The following C10orf90 variants were observed in gnomAD, a reference collection of about 807,000 sequenced individuals.
C10orf90 encodes the protein (E2-independent) E3 ubiquitin-conjugating enzyme FATS.
Under a neutral mutation model 62.5 loss-of-function variants are expected in C10orf90, and 56 were observed. The ratio of observed to expected loss-of-function variants is 0.90; its 90% CI spans 0.72 to 1.12. C10orf90 has a LOEUF of 1.12. Ranked by LOEUF, C10orf90 falls within the 50% of genes most tolerant of loss-of-function variation. The probability of loss-of-function intolerance (pLI) is 0.00; values close to 1 mark genes in which losing one functional copy is unlikely to be tolerated. For synonymous variants in C10orf90, 386 were observed against 340.4 expected (o/e 1.13, Z -1.47); for missense variants, 970 against 880.4 (o/e 1.10, Z -1.29).
intron 4 of C10orf90, among the ~76,000 whole-genome samples, chr10:126,489,309 C>T (rs1861596018): frequency 6.6e-6 from 1 of 151,944 alleles, no homozygotes; most frequent in Non-Finnish European, 1.5e-5. Context: ...AAGCACTTGT[C>T]AGTATTCAAC....
intron 7 of C10orf90, among the ~76,000 whole-genome samples, chr10:126,442,491 A>ATATATATATATATC (rs1288025524): frequency 9.5e-6 from 1 of 105,078 alleles, no homozygotes; most frequent in African/African-American, 3.9e-5. Flanking sequence ...ATATATATAT[A>ATATATATATATATC]TATATATATA....
rs1348013004 is a variant in C10orf90 at position 126,670,324 on chromosome 10, G to C, written c.157C>G (p.Pro53Ala). The C allele has an allele frequency of 8.8e-6, 4 of 456,528 alleles. No homozygotes were observed. The highest frequency in any genetic ancestry group is 1.8e-5 in the Non-Finnish European group (4 of 226,970). 28.3% of individuals were successfully genotyped at this position (456,528 alleles called of 1,614,324 possible). Residue 53 changes from proline to alanine, a missense_variant, in exon 1 of 10, where the codon CCC becomes GCC. By Grantham distance (27) the Pro-to-Ala change is conservative. Transcript: ENST00000488181. ...CAAACTTTGGCTCTTCTCTGGGAGG[G>C]AAACCAGTTACTCTTCACAAAATCC... ...VMDFVKSNWF[P>A]SQRRAKVCII...
At chr10:126,596,157 G>C (rs796436821) in intron 2 of C10orf90, among the ~76,000 whole-genome samples, 1 of 130,150 alleles carries the variant, frequency 7.7e-6, no homozygotes, top group African/African-American at 3.1e-5. Context: ...AAAAAAAAAA[G>C]CCAGGCATGG....
chr10:126,504,432 C>T lies in C10orf90; in HGVS notation c.1059G>A (p.Val353=). ...AGATTGAATCTGGACACTGCTGAGA[C>T]ACCCTGAGGTGGACACAGGAACTGA... The part of the protein sequence containing the change: ...LVFSSCVHLR[V]SQQCPDSIYY... Residue 353 remains valine, a synonymous_variant, in exon 4 of 10, where the codon GTG becomes GTA. Transcript: ENST00000488181. The surrounding 1 kb of genome is among the most constrained non-coding windows in gnomAD (Gnocchi z 4.1). 4 of 1,614,224 alleles carry T rather than the reference C, an allele frequency of 2.5e-6. No individual in the cohort carries two copies. The highest frequency in any genetic ancestry group is 3.4e-6 in the Non-Finnish European group (4 of 1,180,040).
chr10:126,464,608 C>T, intron 5 of C10orf90, 88 bp downstream of exon 5: 1 of 1,342,716 alleles, frequency 7.4e-7, no homozygotes, highest in Middle Eastern at 2.5e-4. Context: ...TGAACGGTGA[C>T]AGTATGCACG....
chr10:126,647,589 G>A (rs1356783834), intron 1 of C10orf90, among the ~76,000 whole-genome samples: 2 of 152,222 alleles, frequency 1.3e-5, no homozygotes, highest in African/African-American at 4.8e-5. Flanking sequence ...ACAGAATGGG[G>A]TGGGACAAGG....
chr10:126,625,738 T>C (rs781222443), intron 2 of C10orf90, among the ~76,000 whole-genome samples: 16 of 152,210 alleles, frequency 1.1e-4, no homozygotes, highest in Admixed American at 2.0e-4. Flanking sequence ...CTTTATTCCT[T>C]TATGTCATTC....
At chr10:126,609,039 C>T (rs1196548751) in intron 2 of C10orf90, among the ~76,000 whole-genome samples, 1 of 152,104 alleles carries the variant, frequency 6.6e-6, no homozygotes, top group Non-Finnish European at 1.5e-5. Context: ...GCTGTATGGC[C>T]TTGGGCAAGA....
At chr10:126,457,230 C>T (rs1019544861) in intron 7 of C10orf90, among the ~76,000 whole-genome samples, 1 of 152,206 alleles carries the variant, frequency 6.6e-6, no homozygotes, top group Non-Finnish European at 1.5e-5. Context: ...CTCAAGAGAT[C>T]CACCCATCTT....
chr10:126,426,444 C>A lies in C10orf90; in HGVS notation c.2253-354G>T, dbSNP rs374634488. Among the ~76,000 whole-genome samples, 26 of 152,340 alleles carry A rather than the reference C, an allele frequency of 1.7e-4. 1 individual carries two copies. Among genetic ancestry groups the A allele is most frequent in the African/African-American group, 6.3e-4 (26 of 41,582 alleles). Reference sequence around the variant, plus strand: ...CGTAAAATGAAGGATTCTAAACCTACTGCTTTAGCATTCTGATTGTAAACT... The same window carrying A: ...CGTAAAATGAAGGATTCTAAACCTAATGCTTTAGCATTCTGATTGTAAACT... On this transcript the variant is annotated intron_variant, in intron 8 of 9. Transcript: ENST00000488181.
chr10:126,431,545 C>T (rs2133988553), intron 7 of C10orf90, among the ~76,000 whole-genome samples: 1 of 152,316 alleles, frequency 6.6e-6, no homozygotes, highest in East Asian at 1.9e-4. Flanking sequence ...CAGTCAGGCC[C>T]TTGCTCAAGC....
At chr10:126,517,531 A>G (rs4962567) in intron 2 of C10orf90, among the ~76,000 whole-genome samples, 135,503 of 152,162 alleles carry the variant, frequency 0.89, 60,560 homozygotes, top group African/African-American at 0.97. Context: ...TACCCCAGCT[A>G]TTGGGAGAGT....
chr10:126,572,138 T>C (rs796748113), intron 2 of C10orf90, among the ~76,000 whole-genome samples: 10 of 152,256 alleles, frequency 6.6e-5, no homozygotes, highest in African/African-American at 1.2e-4. Context: ...CAGGAGGCGA[T>C]AGGAGGTCGG....
intron 4 of C10orf90, among the ~76,000 whole-genome samples, chr10:126,495,572 A>G (rs1814891958): frequency 6.6e-6 from 1 of 152,238 alleles, no homozygotes; most frequent in Non-Finnish European, 1.5e-5. Context: ...AACATCGTTT[A>G]AGAAGAATTA....
rs550467318 is a variant in C10orf90, at chr10:126,661,381, T to G, written c.240+8860A>C. ...AAGGCAGATATTATCATTGTTCATA[T>G]GAATACAGATGAGAAAACTAGGCTC... On this transcript the variant is annotated intron_variant, in intron 1 of 9. Transcript: ENST00000488181. Among the ~76,000 whole-genome samples the G allele has an allele frequency of 3.9e-5, 6 of 152,348 alleles. No homozygotes were observed. In the South Asian group the frequency reaches 1.2e-3, roughly 32 times the overall value.
intron 4 of C10orf90, among the ~76,000 whole-genome samples, chr10:126,483,961 C>T (rs1252737284): frequency 6.6e-6 from 1 of 152,118 alleles, no homozygotes; most frequent in African/African-American, 2.4e-5. Flanking sequence ...AAATCAACCC[C>T]CTGACCCCAC....
At chr10:126,480,975 A>T (rs1051633174) in intron 4 of C10orf90, among the ~76,000 whole-genome samples, 1 of 151,564 alleles carries the variant, frequency 6.6e-6, no homozygotes, top group Non-Finnish European at 1.5e-5. Flanking sequence ...GCCTCTGCTC[A>T]CCTCCATGAG....
intron 2 of C10orf90, among the ~76,000 whole-genome samples, chr10:126,607,163 C>T (rs1470224760): frequency 1.3e-5 from 2 of 152,198 alleles, no homozygotes; most frequent in African/African-American, 4.8e-5. Flanking sequence ...TCATCACACT[C>T]TTTAACACAG....
intron 4 of C10orf90, among the ~76,000 whole-genome samples, chr10:126,472,166 T>C (rs183611222): frequency 1.8e-3 from 281 of 152,340 alleles, no homozygotes; most frequent in African/African-American, 5.6e-3. Context: ...TTCTTAAAAC[T>C]TACTGCTAAA....
Sources: gnomAD v4.1 joint callset for allele counts (sites outside exome capture counted in the v4.1 genomes callset) on GRCh38, gnomAD v4.1.1 for gene constraint, Gnocchi (gnomAD v3.1) non-coding constraint, MANE v1.5 for transcripts, NCBI Gene and HGNC (gene_info 2026-07-23, HGNC 2026-07-21) for gene names.